PAM: variants seen among roughly 807,000 people sequenced by gnomAD.
PAM encodes the protein peptidyl-glycine alpha-amidating monooxygenase.
PAM carries 72 observed loss-of-function variants against 122.1 expected under a neutral mutation model. The ratio of observed to expected loss-of-function variants is 0.59; its 90% confidence interval spans 0.49 to 0.72. PAM has a LOEUF of 0.72. Among genes scored for constraint, PAM ranks in the 30% least tolerant of loss-of-function variants. The pLI is 0.00. For synonymous variants in PAM, 389 were observed against 404.4 expected, an observed-to-expected ratio of 0.96 and a Z score of 0.46; for missense variants, 1,106 against 1,183.7, an observed-to-expected ratio of 0.93 and a Z score of 0.96.
At position 103,007,343 on chromosome 5, in the gene PAM, C is replaced by A. The variant is rs762239727; in HGVS notation, c.2015-114C>A. 10 of 804,520 alleles carry A rather than the reference C, an allele frequency of 1.2e-5. No individual in the cohort carries two copies. The East Asian group carries it at 2.0e-4, about 16-fold the overall frequency. 49.8% of individuals were successfully genotyped at this position (804,520 alleles called of 1,614,324 possible). On this transcript the variant is annotated intron_variant, in intron 19 of 25. Coordinates refer to ENST00000438793, the MANE Select transcript of PAM (RefSeq NM_001177306.2). ...TTATAAACTGCTTTACCTTATCTTT[C>A]CCCTGGCTCCAGGCATTTAATGGTT... is the stretch of plus-strand genomic sequence containing the variant.
intron 1 of PAM, among the ~76,000 whole-genome samples, chr5:102,835,865 G>A (rs1440467201): frequency 6.6e-6 from 1 of 152,036 alleles, no homozygotes; most frequent in Non-Finnish European, 1.5e-5. Context: ...TGCAGAAATT[G>A]CTATATATTA....
chr5:102,989,165 T>C (rs1048717644), intron 15 of PAM, among the ~76,000 whole-genome samples: 1 of 152,182 alleles, frequency 6.6e-6, no homozygotes, highest in Admixed American at 6.6e-5. Flanking sequence ...AGTATAGATA[T>C]ATACATTGTA....
chr5:102,883,717 C>CT (rs1367910950), intron 3 of PAM, among the ~76,000 whole-genome samples: 6 of 151,852 alleles, frequency 4.0e-5, no homozygotes, highest in Non-Finnish European at 8.8e-5. Context: ...TTTATTTTGT[C>CT]TAATTGCTCT....
In PAM at chr5:102,945,412, A is replaced by G. The variant is rs540187360; in HGVS notation, c.527-1425A>G. On this transcript the variant is annotated intron_variant, in intron 7 of 25. Coordinates refer to ENST00000438793, the MANE Select transcript of PAM (RefSeq NM_001177306.2). ...ATATTTATATTGAAATATAAATTCAATATTTATATTGAAATGTAAATCTAT... is the reference window on the plus strand; with the variant it reads ...ATATTTATATTGAAATATAAATTCAGTATTTATATTGAAATGTAAATCTAT... 6.6e-5 allele frequency among the ~76,000 whole-genome samples: 10 copies of G among 152,012 alleles called. No individual in the cohort carries two copies. The South Asian group carries it at 1.0e-3, about 16-fold the overall frequency.
At chr5:102,848,646 G>T (rs1780569168) in intron 1 of PAM, among the ~76,000 whole-genome samples, 1 of 152,096 alleles carries the variant, frequency 6.6e-6, no homozygotes, top group Non-Finnish European at 1.5e-5. Flanking sequence ...AGAGAGAAAA[G>T]AACTCAGCTG....
At chr5:102,931,691 G>T (rs1377284546) in intron 7 of PAM, among the ~76,000 whole-genome samples, 1 of 152,148 alleles carries the variant, frequency 6.6e-6, no homozygotes, top group South Asian at 2.1e-4. Flanking sequence ...CTTCCCAAAT[G>T]TATTGCCCTG....
At chr5:102,948,066 A>C (rs909220406) in intron 8 of PAM, among the ~76,000 whole-genome samples, 2 of 152,060 alleles carry the variant, frequency 1.3e-5, no homozygotes, top group African/African-American at 2.4e-5. Flanking sequence ...AATCTGCTTT[A>C]CTCAAAGTTT....
chr5:102,987,813 T>C (rs924240731), intron 15 of PAM, among the ~76,000 whole-genome samples: 5 of 152,170 alleles, frequency 3.3e-5, no homozygotes, highest in African/African-American at 9.7e-5. Flanking sequence ...CTAGGATTAT[T>C]TGCAAATTCA....
chr5:102,974,658 T>C, intron 15 of PAM: 1 of 379,138 alleles, frequency 2.6e-6, no homozygotes, highest in Non-Finnish European at 4.7e-6. Context: ...GTCTGTTCTA[T>C]TGGTGAGCCA....
At chr5:102,966,991 T>A (rs1394164651) in intron 14 of PAM, among the ~76,000 whole-genome samples, 1 of 137,434 alleles carries the variant, frequency 7.3e-6, no homozygotes, top group Non-Finnish European at 1.7e-5. Context: ...AAAAATTAGA[T>A]ACTTTTTTTT....
intron 17 of PAM, among the ~76,000 whole-genome samples, chr5:103,004,251 A>G (rs1389272841): frequency 4.6e-5 from 7 of 152,222 alleles, no homozygotes; most frequent in Non-Finnish European, 1.0e-4. Context: ...TATTCACCAG[A>G]AGCACCCTCA....
chr5:102,935,641 G>C (rs1475276102), intron 7 of PAM, among the ~76,000 whole-genome samples: 1 of 151,890 alleles, frequency 6.6e-6, no homozygotes, highest in Non-Finnish European at 1.5e-5. Context: ...CCATATCCTT[G>C]GGCAATGAGC....
Position 103,007,550 on chromosome 5 carries a change from G to T in PAM, c.2108G>T (p.Arg703Leu). 1.2e-6 allele frequency: 2 copies of T among 1,613,902 alleles called. No individual in the cohort carries two copies. Among genetic ancestry groups the T allele is most frequent in the Non-Finnish European group, 1.7e-6 (2 of 1,179,838 alleles). The change falls in exon 20 of 26, where the codon CGG (arginine) becomes CTG (leucine). Residue 703 changes from arginine to leucine, a missense_variant. Arg to Leu is a moderately radical substitution (Grantham distance 102). Transcript: ENST00000438793. ...PLLGQLCVAD[R>L]ENGRIQCFKT... ...TTGGGCCAATTATGTGTGGCAGACC[G>T]GGAAAATGGTCGGATCCAGTGTTTT...
chr5:102,926,615 G>T lies in PAM; in HGVS notation c.473G>T (p.Gly158Val), dbSNP rs1376827174. Residue 158 changes from glycine (G) to valine (V), a missense_variant, in exon 7 of 26, where the codon GGA (glycine) becomes GTA (valine). Gly to Val is a moderately radical substitution (Grantham distance 109). Around this residue, in one of 3 missense-constraint regions of PAM, gnomAD observed 670 missense variants for 690.3 expected, o/e 0.97. Transcript: ENST00000438793. ...GVGFRVGGET[G>V]SKYFVLQVHY... ...GGATTCAGAGTTGGAGGAGAGACTG[G>T]AAGTAAATACTTTGTACTACAGGTA... The T allele has an allele frequency of 1.9e-6, 3 of 1,600,068 alleles. No homozygotes were observed. The highest frequency in any genetic ancestry group is 1.7e-5 in the Admixed American group (1 of 59,988).
At chr5:102,819,679 G>A (rs1165106700) in intron 1 of PAM, among the ~76,000 whole-genome samples, 2 of 152,072 alleles carry the variant, frequency 1.3e-5, no homozygotes, top group Admixed American at 6.6e-5. Context: ...TTAATCAACA[G>A]TGCTCATATT....
At chr5:102,759,408 G>A (rs935853290) in intron 1 of PAM, among the ~76,000 whole-genome samples, 3 of 152,140 alleles carry the variant, frequency 2.0e-5, no homozygotes, top group Non-Finnish European at 2.9e-5. Context: ...ACAATACATA[G>A]GTAAGAGCAG....
At chr5:102,955,744 C>T (rs891032376) in intron 12 of PAM, among the ~76,000 whole-genome samples, 15 of 151,746 alleles carry the variant, frequency 9.9e-5, no homozygotes, top group African/African-American at 3.6e-4. Flanking sequence ...CATAATCTCC[C>T]TTCCTACTTT....
chr5:102,789,812 C>T (rs1761576419), intron 1 of PAM, among the ~76,000 whole-genome samples: 1 of 151,854 alleles, frequency 6.6e-6, no homozygotes. Context: ...TATACTTTGC[C>T]ACAATAAAAT....
chr5:102,960,327 T>C, intron 13 of PAM, among the ~76,000 whole-genome samples: 1 of 152,016 alleles, frequency 6.6e-6, no homozygotes, highest in Non-Finnish European at 1.5e-5. Flanking sequence ...AGACCTTTTT[T>C]CACTTAATTC....
Sources: gnomAD v4.1 joint callset for allele counts (sites outside exome capture counted in the v4.1 genomes callset) on GRCh38, gnomAD v4.1.1 for gene constraint, gnomAD v4.1.1 regional missense constraint, MANE v1.5 for transcripts, NCBI Gene and HGNC (gene_info 2026-07-23, HGNC 2026-07-21) for gene names.